The following MYO3B variants were observed in gnomAD, a reference collection of about 807,000 sequenced individuals.
MYO3B encodes the protein myosin-IIIb.
Under a neutral mutation model 174.6 loss-of-function variants are expected in MYO3B, and 156 were observed. The ratio of observed to expected loss-of-function variants is 0.89; its 90% CI spans 0.78 to 1.02. The LOEUF is 1.02. Ranked by LOEUF, MYO3B falls within the 50% of genes least tolerant of loss-of-function variation. The pLI, the probability that MYO3B is intolerant of heterozygous loss-of-function variation, is 0.00. For synonymous variants in MYO3B, 563 were observed against 569.1 expected (o/e 0.99, Z 0.15); for missense variants, 1,632 against 1,639.4 (o/e 1.00, Z 0.08).
chr2:170,609,162 G>A (rs1478226206), intron 32 of MYO3B, among the ~76,000 whole-genome samples: 1 of 152,208 alleles, frequency 6.6e-6, no homozygotes, highest in Non-Finnish European at 1.5e-5. Flanking sequence ...CCTTGCCCAT[G>A]TTCCTTCACA....
chr2:170,376,670 T>G (rs531542106), intron 9 of MYO3B, among the ~76,000 whole-genome samples: 1 of 152,000 alleles, frequency 6.6e-6, no homozygotes, highest in South Asian at 2.1e-4. Context: ...CTGGTAACAG[T>G]GATAGTCATT....
intron 32 of MYO3B, among the ~76,000 whole-genome samples, chr2:170,578,645 T>C (rs183858409): frequency 1.1e-4 from 17 of 152,382 alleles, no homozygotes; most frequent in Admixed American, 1.1e-3. Context: ...AGTGTGTTAA[T>C]GTATTCACTG....
At chr2:170,506,031 G>A (rs955950460) in intron 28 of MYO3B, among the ~76,000 whole-genome samples, 23 of 152,160 alleles carry the variant, frequency 1.5e-4, no homozygotes, top group African/African-American at 5.3e-4. Context: ...TAACAGTGAC[G>A]GCCATTTCTC....
chr2:170,634,833 G>A (rs933832820), intron 32 of MYO3B, among the ~76,000 whole-genome samples: 1 of 152,160 alleles, frequency 6.6e-6, no homozygotes, highest in African/African-American at 2.4e-5. Flanking sequence ...TTCAAAAGAA[G>A]ACATTTATGC....
At chr2:170,296,518 A>G (rs1438874621) in intron 7 of MYO3B, among the ~76,000 whole-genome samples, 1 of 152,176 alleles carries the variant, frequency 6.6e-6, no homozygotes, top group Admixed American at 6.5e-5. Flanking sequence ...GGAGACTACA[A>G]AATAACATTG....
intron 32 of MYO3B, among the ~76,000 whole-genome samples, chr2:170,630,511 T>G (rs577416801): frequency 1.1e-4 from 17 of 152,312 alleles, no homozygotes; most frequent in African/African-American, 4.1e-4. Flanking sequence ...TCTGCAGATT[T>G]AAACGTCCCT....
chr2:170,569,277 G>T (rs1161887535), intron 32 of MYO3B, among the ~76,000 whole-genome samples: 1 of 151,888 alleles, frequency 6.6e-6, no homozygotes, highest in Non-Finnish European at 1.5e-5. Context: ...TCTCACTTTT[G>T]CATCTCCCCA....
chr2:170,423,615 ACT>A (rs1197758650), intron 22 of MYO3B, among the ~76,000 whole-genome samples: 1 of 113,430 alleles, frequency 8.8e-6, no homozygotes, highest in East Asian at 2.6e-4. Flanking sequence ...GACAGAATTC[ACT>A]CTCACCAGGC....
chr2:170,539,056 T>C (rs919612529), intron 30 of MYO3B, among the ~76,000 whole-genome samples: 3 of 152,242 alleles, frequency 2.0e-5, no homozygotes, highest in Admixed American at 6.5e-5. Context: ...GTTCTAAGAA[T>C]GTCCTTTGCA....
chr2:170,477,188 T>C (rs1685369337), intron 25 of MYO3B, among the ~76,000 whole-genome samples: 1 of 152,194 alleles, frequency 6.6e-6, no homozygotes, highest in Non-Finnish European at 1.5e-5. Context: ...CAGCCCCATG[T>C]GTGATGGTCA....
intron 23 of MYO3B, among the ~76,000 whole-genome samples, chr2:170,459,191 CA>C (rs1282166264): frequency 1.3e-5 from 2 of 152,186 alleles, no homozygotes; most frequent in Non-Finnish European, 2.9e-5. Context: ...AAAGGGACCC[CA>C]GCGGGTTGCC....
At chr2:170,316,585 A>C (rs1364412782) in intron 7 of MYO3B, among the ~76,000 whole-genome samples, 2 of 152,218 alleles carry the variant, frequency 1.3e-5, no homozygotes, top group Non-Finnish European at 2.9e-5. Context: ...TTTCCTAATA[A>C]TCTAGCTAGT....
Position 170,461,990 on chromosome 2 carries a change from A to G in MYO3B, c.2731-1378A>G, listed in dbSNP as rs181338233. Among the ~76,000 whole-genome samples, 430 of 152,304 alleles carry G rather than the reference A, an allele frequency of 2.8e-3. 3 individuals are homozygous for G. The highest frequency in any genetic ancestry group is 4.4e-3 in the Non-Finnish European group (300 of 68,030). Reference sequence around the variant, plus strand: ...AAACCTCACCAGCTCTGAGTTCTGTACTCAAATGGGGGTGAGAAAGGGAAA... The same window carrying G: ...AAACCTCACCAGCTCTGAGTTCTGTGCTCAAATGGGGGTGAGAAAGGGAAA... On this transcript the variant is annotated intron_variant, in intron 23 of 34. Coordinates refer to ENST00000408978, the MANE Select transcript of MYO3B (RefSeq NM_138995.5).
intron 32 of MYO3B, among the ~76,000 whole-genome samples, chr2:170,619,199 G>T (rs1055737041): frequency 1.3e-5 from 2 of 152,088 alleles, no homozygotes; most frequent in Non-Finnish European, 2.9e-5. Flanking sequence ...CTCCACAAGG[G>T]TCGCATTCCA....
chr2:170,529,449 CTTCCTT>C lies in MYO3B; in HGVS notation c.3575+9912_3575+9917del, dbSNP rs140481564. On this transcript the variant is annotated intron_variant, in intron 30 of 34. Transcript: ENST00000408978. The stretch of plus-strand genomic sequence containing the variant: ...CCTTCTCTCCCTCCCTCCCTTCCTT[CTTCCTT>C]TTTTTTCTTTCTTCTTGTCTCTCTC... 0.01 allele frequency among the ~76,000 whole-genome samples: 1,548 copies of C among 151,864 alleles called. 46 individuals carry two copies. The East Asian group carries it at 0.1, about 10-fold the overall frequency.
At chr2:170,316,685 C>T (rs369003564) in intron 7 of MYO3B, among the ~76,000 whole-genome samples, 22 of 152,356 alleles carry the variant, frequency 1.4e-4, no homozygotes, top group African/African-American at 4.8e-4. Context: ...TTATCTTATT[C>T]ATGGTCCTTT....
At chr2:170,463,475 C>G in intron 24 of MYO3B, 30 bp downstream of exon 24, 2 of 1,602,978 alleles carry the variant, frequency 1.2e-6, no homozygotes, top group Non-Finnish European at 1.7e-6. Flanking sequence ...TCTATTCTGC[C>G]TGCTTCCAAA....
chr2:170,613,664 A>G (rs575990555), intron 32 of MYO3B, among the ~76,000 whole-genome samples: 1 of 152,304 alleles, frequency 6.6e-6, no homozygotes, highest in South Asian at 2.1e-4. Flanking sequence ...TTATCATTTG[A>G]GTCAGTGGGC....
intron 21 of MYO3B, among the ~76,000 whole-genome samples, chr2:170,407,179 A>G (rs189156448): frequency 2.0e-5 from 3 of 152,334 alleles, no homozygotes; most frequent in African/African-American, 7.2e-5. Context: ...GCAACTAGAC[A>G]GGCCAGGTGC....
Sources: allele counts gnomAD v4.1 joint callset (sites outside exome capture counted in the v4.1 genomes callset), GRCh38; gene constraint gnomAD v4.1.1; transcripts MANE v1.5; gene names NCBI Gene and HGNC (gene_info 2026-07-23, HGNC 2026-07-21).